ITSN2: variants seen among roughly 807,000 people sequenced by gnomAD.
ITSN2 encodes intersectin-2.
A neutral mutation model predicts 243.7 loss-of-function variants in ITSN2; 156 were observed. The observed-to-expected ratio is 0.64, with a 90% CI of 0.56 to 0.73. ITSN2 has a LOEUF of 0.73. Among genes scored for constraint, ITSN2 ranks in the 30% least tolerant of loss-of-function variants. The pLI is 0.00. For synonymous variants in ITSN2, 703 were observed against 699.9 expected (o/e 1.00, Z -0.07); for missense variants, 1,801 against 1,996.1 (o/e 0.90, Z 1.86).
chr2:24,220,588 C>T (rs1573898323), intron 30 of ITSN2: 1 of 1,110,318 alleles, frequency 9.0e-7, no homozygotes, highest in Middle Eastern at 3.8e-4. Flanking sequence ...GGCAAATATC[C>T]AAGGAAGCTA....
chr2:24,316,023 C>A (rs1009685526), intron 2 of ITSN2, among the ~76,000 whole-genome samples: 1 of 152,052 alleles, frequency 6.6e-6, no homozygotes, highest in Non-Finnish European at 1.5e-5. Context: ...TGAGGCAGAG[C>A]CTTGAAGCTT....
At chr2:24,277,952 G>T (rs1349891961) in intron 17 of ITSN2, among the ~76,000 whole-genome samples, 1 of 152,224 alleles carries the variant, frequency 6.6e-6, no homozygotes, top group Non-Finnish European at 1.5e-5. Flanking sequence ...TGGACCACGG[G>T]TTGGGGAAGC....
At chr2:24,210,276 T>C in intron 34 of ITSN2, 1 of 496,972 alleles carries the variant, frequency 2.0e-6, no homozygotes, top group Non-Finnish European at 3.6e-6. Context: ...TTCAAAGAAC[T>C]CAAAACAAAA....
chr2:24,308,782 TTA>T, intron 7 of ITSN2, 26 bp from the exon 8 acceptor site: 1 of 1,187,242 alleles, frequency 8.4e-7, no homozygotes, highest in Non-Finnish European at 1.1e-6. Flanking sequence ...TTTAAAATTT[TTA>T]TGTTACTAAA....
intron 15 of ITSN2, among the ~76,000 whole-genome samples, chr2:24,288,112 T>C (rs969350773): frequency 1.3e-5 from 2 of 152,106 alleles, no homozygotes; most frequent in Non-Finnish European, 2.9e-5. Flanking sequence ...CCAAGGCCAA[T>C]GTCAAAGAGC....
intron 17 of ITSN2, 24 bp from the exon 18 acceptor site, chr2:24,275,873 C>A (rs373690603): frequency 1.4e-5 from 22 of 1,555,698 alleles, no homozygotes; most frequent in Admixed American, 5.6e-5. Flanking sequence ...GAAAATAAGT[C>A]AATACGTGAA....
At chr2:24,300,268 G>C (rs1681553703) in intron 11 of ITSN2, 97 bp from the exon 12 acceptor site, 4 of 1,168,582 alleles carry the variant, frequency 3.4e-6, no homozygotes, top group Non-Finnish European at 4.9e-6. Flanking sequence ...TCATTTGAGT[G>C]CTATCAGTAT....
intron 24 of ITSN2, among the ~76,000 whole-genome samples, chr2:24,253,458 T>C (rs1674618809): frequency 6.6e-6 from 1 of 152,348 alleles, no homozygotes; most frequent in Non-Finnish European, 1.5e-5. Context: ...ACTGGTGACA[T>C]GACGTTCCCC....
intron 9 of ITSN2, among the ~76,000 whole-genome samples, chr2:24,302,611 AG>A (rs1681921843): frequency 6.6e-6 from 1 of 152,230 alleles, no homozygotes; most frequent in Admixed American, 6.5e-5. Context: ...TAAGTATGTA[AG>A]TATGTACTTC....
chr2:24,313,601 A>G lies in ITSN2; in HGVS notation c.125-78T>C, dbSNP rs914953648. ...CCAATGCTTCTGAATAATAATGGGTATATGTTAATGATTTATTATAATTTT... is the reference window on the plus strand; with the variant it reads ...CCAATGCTTCTGAATAATAATGGGTGTATGTTAATGATTTATTATAATTTT... On this transcript the variant is annotated intron_variant, in intron 3 of 39. Transcript: ENST00000355123. The G allele has an allele frequency of 4.4e-6, 4 of 916,352 alleles. No individual in the cohort carries two copies. The African/African-American group carries it at 6.7e-5, about 15-fold the overall frequency. 56.8% of individuals were successfully genotyped at this position (916,352 alleles called of 1,614,324 possible).
chr2:24,349,129 A>G (rs1687817151), intron 1 of ITSN2, among the ~76,000 whole-genome samples: 1 of 152,134 alleles, frequency 6.6e-6, no homozygotes, highest in Non-Finnish European at 1.5e-5. Context: ...CATCATCATC[A>G]TCATTATCAT....
At chr2:24,215,979 T>C (rs1402967566) in intron 32 of ITSN2, 70 bp downstream of exon 32, 4 of 1,172,462 alleles carry the variant, frequency 3.4e-6, no homozygotes, top group Admixed American at 2.8e-5. Context: ...GGATTCCCTG[T>C]TGGGCTACTG....
At chr2:24,346,250 T>C (rs916815809) in intron 1 of ITSN2, among the ~76,000 whole-genome samples, 4 of 152,218 alleles carry the variant, frequency 2.6e-5, no homozygotes, top group Non-Finnish European at 5.9e-5. Flanking sequence ...TCATAAAGCA[T>C]GCAGACAGTA....
At chr2:24,291,017 G>C (rs1376407872) in intron 15 of ITSN2, among the ~76,000 whole-genome samples, 1 of 152,062 alleles carries the variant, frequency 6.6e-6, no homozygotes, top group Non-Finnish European at 1.5e-5. Context: ...AACCCAAAAA[G>C]AACTGAATAT....
At chr2:24,355,027 T>C (rs1289610312) in intron 1 of ITSN2, among the ~76,000 whole-genome samples, 1 of 152,218 alleles carries the variant, frequency 6.6e-6, no homozygotes, top group African/African-American at 2.4e-5. Context: ...TACATATTTC[T>C]TGATCTATTA....
At chr2:24,255,811 A>G (rs1163324890) in intron 23 of ITSN2, among the ~76,000 whole-genome samples, 1 of 152,174 alleles carries the variant, frequency 6.6e-6, no homozygotes, top group Non-Finnish European at 1.5e-5. Context: ...GCACTTTGGG[A>G]GGCCAAGGCA....
intron 16 of ITSN2, among the ~76,000 whole-genome samples, chr2:24,285,114 C>G (rs1253074822): frequency 6.6e-6 from 1 of 152,012 alleles, no homozygotes; most frequent in Non-Finnish European, 1.5e-5. Context: ...CCAGGCTGGT[C>G]TCGATCTCTT....
Position 24,246,845 on chromosome 2 carries a change from T to C in ITSN2, c.3337A>G (p.Lys1113Glu). The C allele has an allele frequency of 6.2e-7, 1 of 1,613,414 alleles. No homozygotes were observed. Among genetic ancestry groups the C allele is most frequent in the Non-Finnish European group, 8.5e-7 (1 of 1,179,566 alleles). Residue 1113 changes from lysine to glutamate, a missense_variant, in exon 28 of 40, where the codon AAA becomes GAA. Physicochemically the swap from Lys to Glu is moderately conservative, Grantham distance 56. Coordinates refer to ENST00000355123, the MANE Select transcript of ITSN2 (RefSeq NM_006277.3). ...CTTTCACTACTTGGACCCAAAAGTT[T>C]AACATGACTGGCAGGAAACCATCCT... ...QKGWFPASHVKLLGPSSERAT... is the reference protein window; with the variant it reads ...QKGWFPASHVELLGPSSERAT...
rs1176819287 is a variant in ITSN2 at position 24,301,230 on chromosome 2, C to T, written c.1005G>A (p.Lys335=). ...ELVPPSFRGG[K]QIDSINGTLP... is the part of the protein sequence containing the mutation. ...GAGTTCCATTAATGGAATCAATTTGCTTTCCTCCTCTAAAAAAATCAAACA... is the reference window on the plus strand; with the variant it reads ...GAGTTCCATTAATGGAATCAATTTGTTTTCCTCCTCTAAAAAAATCAAACA... Residue 335 remains lysine (K), a synonymous_variant, in exon 11 of 40, where the codon AAG becomes AAA. Coordinates refer to ENST00000355123, the MANE Select transcript of ITSN2 (RefSeq NM_006277.3). 1.2e-6 allele frequency: 2 copies of T among 1,602,312 alleles called. No homozygotes were observed. The highest frequency in any genetic ancestry group is 1.7e-6 in the Non-Finnish European group (2 of 1,172,406).
Sources: allele counts gnomAD v4.1 joint callset (sites outside exome capture counted in the v4.1 genomes callset), GRCh38; gene constraint gnomAD v4.1.1; transcripts MANE v1.5; gene names NCBI Gene and HGNC (gene_info 2026-07-23, HGNC 2026-07-21).